Variants in HSP90AA1 observed in about 807,000 individuals in gnomAD.
The protein encoded by HSP90AA1 is heat shock protein HSP 90-alpha.
Under a neutral mutation model 73.3 loss-of-function variants are expected in HSP90AA1, and 18 were observed. The observed-to-expected ratio is 0.25, with a 90% CI of 0.17 to 0.36. The LOEUF is 0.36. HSP90AA1 is among the 10% of genes least tolerant of loss of function. The pLI is 1.00. For synonymous variants in HSP90AA1, 477 were observed against 296.9 expected (o/e 1.61, Z -6.24); for missense variants, 704 against 874.2 (o/e 0.81, Z 2.45).
chr14:102,139,327 ACTCTGGGCGGGACAGTCCCTGT>A lies in HSP90AA1; in HGVS notation c.56_77del (p.Asp19ValfsTer25), dbSNP rs1317888983. ...CCAGACGGTCGCGCGGGTATTCAGC[ACTCTGGGCGGGACAGTCCCTGT>A]CCCGAAGGGAGGGCCCAGGAGGGGT... On this transcript the variant is annotated frameshift_variant, in exon 1 of 12. Transcript: ENST00000334701. LOFTEE classifies it high-confidence loss of function. The A allele has an allele frequency of 2.5e-6, 4 of 1,613,094 alleles. No individual in the cohort carries two copies. Among genetic ancestry groups the A allele is most frequent in the Admixed American group, 1.7e-5 (1 of 59,928 alleles).
chr14:102,083,157 G>A lies in HSP90AA1; in HGVS notation c.1632C>T (p.Val544=). ...CTGGAAGTTCCAGGCCTTCTTTGGT[G>A]ACTGACACTAAAGTCTTCCCCTCAA... ...KEFEGKTLVS[V]TKEGLELPED... Residue 544 remains valine, a synonymous_variant, in exon 9 of 11, where the codon GTC becomes GTT. Coordinates refer to ENST00000216281, the MANE Select transcript of HSP90AA1 (RefSeq NM_005348.4). The A allele has an allele frequency of 6.2e-7, 1 of 1,613,760 alleles. No individual in the cohort carries two copies. The highest frequency in any genetic ancestry group is 8.5e-7 in the Non-Finnish European group (1 of 1,179,894).
chr14:102,091,708 C>T (rs2049360633), upstream of HSP90AA1, among the ~76,000 whole-genome samples: 1 of 151,716 alleles, frequency 6.6e-6, no homozygotes, highest in South Asian at 2.1e-4. Flanking sequence ...TTCACTACAC[C>T]ATCAGCCTCC....
chr14:102,139,212 AAAAC>A (rs2050154565), intron 1 of HSP90AA1: 1 of 1,612,858 alleles, frequency 6.2e-7, no homozygotes, highest in Non-Finnish European at 8.5e-7. Context: ...CGCCTGAAAT[AAAAC>A]ATAGTGAAGC....
chr14:102,086,453 C>G, intron 1 of HSP90AA1, 75 bp from the exon 2 acceptor site: 1 of 1,518,312 alleles, frequency 6.6e-7, no homozygotes, highest in Non-Finnish European at 9.2e-7. Flanking sequence ...TCGCGTTCTC[C>G]AAATATTTTT....
intron 1 of HSP90AA1, among the ~76,000 whole-genome samples, chr14:102,115,582 T>C (rs545146768): frequency 6.6e-6 from 1 of 152,170 alleles, no homozygotes; most frequent in South Asian, 2.1e-4. Flanking sequence ...TATCAAACTT[T>C]TTGACTGTGA....
intron 1 of HSP90AA1, chr14:102,102,130 A>G: frequency 2.0e-6 from 3 of 1,527,502 alleles, no homozygotes; most frequent in Non-Finnish European, 2.7e-6. Flanking sequence ...ACCAAACATA[A>G]CAGAGATAGG....
chr14:102,083,748 A>C (rs1030836778), intron 7 of HSP90AA1, 45 bp downstream of exon 7: 40 of 1,592,288 alleles, frequency 2.5e-5, no homozygotes, highest in Non-Finnish European at 2.9e-5. Flanking sequence ...AAAAAAAAAA[A>C]AACTAAAGAG....
At chr14:102,100,777 C>G (rs916636833) in intron 2 of HSP90AA1, among the ~76,000 whole-genome samples, 1 of 152,196 alleles carries the variant, frequency 6.6e-6, no homozygotes, top group Non-Finnish European at 1.5e-5. Flanking sequence ...TCATTATTTA[C>G]TGGCCATGAG....
chr14:102,086,424 G>C, intron 1 of HSP90AA1, 46 bp from the exon 2 acceptor site: 1 of 1,594,702 alleles, frequency 6.3e-7, no homozygotes, highest in Non-Finnish European at 8.6e-7. Flanking sequence ...GACGTCTACA[G>C]AGGCAACACG....
Position 102,084,894 on chromosome 14 carries a change from A to G in HSP90AA1, c.768T>C (p.Pro256=). 6.4e-7 allele frequency: 1 copy of G among 1,559,706 alleles called. No homozygotes were observed. The highest frequency in any genetic ancestry group is 8.8e-7 in the Non-Finnish European group (1 of 1,131,186). ...CATCAGAACCAACATCTTCAATTTC[A>G]GGTTTGTCTTCCGACTCTTTCTCTT... ...EKEEKESEDK[P]EIEDVGSDEE... Residue 256 remains proline (P), a synonymous_variant, in exon 5 of 11, where the codon CCT becomes CCC. Coordinates refer to ENST00000216281, the MANE Select transcript of HSP90AA1 (RefSeq NM_005348.4).
intron 1 of HSP90AA1, among the ~76,000 whole-genome samples, chr14:102,123,694 A>G (rs931468988): frequency 6.6e-6 from 1 of 152,140 alleles, no homozygotes; most frequent in African/African-American, 2.4e-5. Context: ...AACATGTTCT[A>G]AATATATTCA....
chr14:102,118,413 A>AT (rs200858775), intron 1 of HSP90AA1, among the ~76,000 whole-genome samples: 39 of 146,530 alleles, frequency 2.7e-4, no homozygotes, highest in Non-Finnish European at 3.6e-4. Context: ...TCTATTACTT[A>AT]TTTTTTTTTT....
Position 102,082,235 on chromosome 14 carries a change from G to A in HSP90AA1, c.1965C>T (p.Asn655=), listed in dbSNP as rs138842506. The change falls in exon 10 of 11, where the codon AAC becomes AAT. Residue 655 remains asparagine, a synonymous_variant. Coordinates refer to ENST00000216281, the MANE Select transcript of HSP90AA1 (RefSeq NM_005348.4). The part of the protein sequence containing the change: ...TLRQKAEADK[N]DKSVKDLVIL... ...TGACCAGATCCTTCACAGACTTGTC[G>A]TTCTTATCAGCCTCTGCCTTTTGCC... 56 of 1,613,810 alleles carry A rather than the reference G, an allele frequency of 3.5e-5. No homozygotes were observed. The highest frequency in any genetic ancestry group is 1.7e-4 in the Middle Eastern group (1 of 6,054).
At chr14:102,084,616 T>C (rs767874008) in intron 5 of HSP90AA1, 52 bp from the exon 6 acceptor site, 2 of 1,614,136 alleles carry the variant, frequency 1.2e-6, no homozygotes, top group South Asian at 2.2e-5. Context: ...TTATAGAAGA[T>C]ATTTGGGGTG....
intron 1 of HSP90AA1, among the ~76,000 whole-genome samples, chr14:102,132,055 A>C (rs2049912683): frequency 1.3e-5 from 2 of 152,138 alleles, no homozygotes; most frequent in South Asian, 4.1e-4. Flanking sequence ...TGGGCAACAT[A>C]GTGAGGCTGT....
chr14:102,085,198 G>A (rs983384221), intron 4 of HSP90AA1, 100 bp downstream of exon 4: 2 of 1,440,850 alleles, frequency 1.4e-6, no homozygotes, highest in African/African-American at 1.4e-5. Context: ...GGTTCCCCAG[G>A]CTTCAGACTA....
chr14:102,122,061 T>C (rs2049784296), intron 1 of HSP90AA1, among the ~76,000 whole-genome samples: 1 of 151,934 alleles, frequency 6.6e-6, no homozygotes, highest in Non-Finnish European at 1.5e-5. Flanking sequence ...AAGTCATTTC[T>C]TTCTCTTATG....
At chr14:102,123,267 G>GC (rs2152624693) in intron 1 of HSP90AA1, among the ~76,000 whole-genome samples, 1 of 152,066 alleles carries the variant, frequency 6.6e-6, no homozygotes, top group Non-Finnish European at 1.5e-5. Context: ...GTGGTGGTAG[G>GC]CCCCTGTAAT....
rs1383887422 is a variant in HSP90AA1, at chr14:102,081,067, TTG to T, written c.*643_*644del. 3 of 228,032 alleles carry T rather than the reference TTG, an allele frequency of 1.3e-5. No homozygotes were observed. Among genetic ancestry groups the T allele is most frequent in the African/African-American group, 6.7e-5 (3 of 44,996 alleles). The allele number at this position is 228,032 out of a possible 1,614,324, so 14.1% of individuals were successfully genotyped here. ...ACAATATCTTTTAACTCATCTGTAT[TTG>T]TTACAACTTTAAGCAGAATGTGACT... On this transcript the variant is annotated 3_prime_UTR_variant, in exon 11 of 11. Coordinates refer to ENST00000216281, the MANE Select transcript of HSP90AA1 (RefSeq NM_005348.4).
Sources: gnomAD v4.1 joint callset for allele counts (sites outside exome capture counted in the v4.1 genomes callset) on GRCh38, gnomAD v4.1.1 for gene constraint, MANE v1.5 for transcripts, NCBI Gene and HGNC (gene_info 2026-07-23, HGNC 2026-07-21) for gene names.